Variants in SKIC2 observed in about 807,000 individuals in gnomAD.
The protein encoded by SKIC2 is superkiller complex protein 2.
chr6:31,967,383 G>A, the SKIC2 span: 1 of 1,605,448 alleles, frequency 6.2e-7, no homozygotes, highest in Middle Eastern at 1.7e-4. The surrounding 1 kb of genome is among the most constrained non-coding windows in gnomAD (Gnocchi z 4.9). Flanking sequence ...TACAGGTGAG[G>A]GTGATGGGAA....
At chr6:31,961,046 C>G in the SKIC2 span, 1 of 1,611,152 alleles carries the variant, frequency 6.2e-7, no homozygotes, top group South Asian at 1.1e-5. Flanking sequence ...TACAGATCTT[C>G]TTACTATTCC....
At chr6:31,964,570 G>A in the SKIC2 span, among the ~76,000 whole-genome samples, 1 of 152,172 alleles carries the variant, frequency 6.6e-6, no homozygotes, top group Non-Finnish European at 1.5e-5. The surrounding 1 kb of genome is among the most constrained non-coding windows in gnomAD (Gnocchi z 5.0). Flanking sequence ...CTTAAAATGG[G>A]GATGCATAAG....
the SKIC2 span, chr6:31,960,420 C>G: frequency 1.9e-6 from 3 of 1,609,522 alleles, no homozygotes; most frequent in East Asian, 2.2e-5. Context: ...GGGCTCTGAT[C>G]TCTTGCCTTA....
the SKIC2 span, chr6:31,966,837 A>C: frequency 6.2e-7 from 1 of 1,614,196 alleles, no homozygotes; most frequent in South Asian, 1.1e-5. This position sits in a 1 kb window ranked among gnomAD's most constrained non-coding sequence, Gnocchi z 5.9. Flanking sequence ...CCTCCCGCAA[A>C]GACAGCAAGG....
At chr6:31,966,279 T>A in the SKIC2 span, among the ~76,000 whole-genome samples, 306 of 151,644 alleles carry the variant, frequency 2.0e-3, 1 homozygote, top group East Asian at 6.6e-3. This position sits in a 1 kb window ranked among gnomAD's most constrained non-coding sequence, Gnocchi z 5.9. Context: ...TTTTTTTTTT[T>A]ATGCTTTGTA....
chr6:31,962,718 A>G, the SKIC2 span: 6 of 1,612,834 alleles, frequency 3.7e-6, no homozygotes, highest in Middle Eastern at 3.3e-4. This position sits in a 1 kb window ranked among gnomAD's most constrained non-coding sequence, Gnocchi z 5.0. Flanking sequence ...CCCCAGCTCC[A>G]TGCTGTACAG....
At chr6:31,967,581 A>C in the SKIC2 span, 1 of 1,008,770 alleles carries the variant, frequency 9.9e-7, no homozygotes, top group Non-Finnish European at 1.5e-6. This position sits in a 1 kb window ranked among gnomAD's most constrained non-coding sequence, Gnocchi z 4.9. Context: ...TGATCGCTTG[A>C]CTTGGTTGCC....
the SKIC2 span, chr6:31,966,627 G>A: frequency 6.1e-6 from 9 of 1,464,796 alleles, no homozygotes; most frequent in Admixed American, 6.9e-5. This position sits in a 1 kb window ranked among gnomAD's most constrained non-coding sequence, Gnocchi z 5.9. Context: ...CGGATCTGAC[G>A]GGAGTAGGCC....
the SKIC2 span, chr6:31,968,214 G>C: frequency 6.9e-7 from 1 of 1,452,954 alleles, no homozygotes; most frequent in Non-Finnish European, 9.5e-7. The surrounding 1 kb of genome is among the most constrained non-coding windows in gnomAD (Gnocchi z 6.1). Flanking sequence ...GGCTCCCCCA[G>C]CCTAAGGGAG....
chr6:31,965,093 G>A, the SKIC2 span, among the ~76,000 whole-genome samples: 3 of 152,166 alleles, frequency 2.0e-5, no homozygotes, highest in Non-Finnish European at 4.4e-5. This position sits in a 1 kb window ranked among gnomAD's most constrained non-coding sequence, Gnocchi z 5.6. Context: ...ACTCCAGCCT[G>A]GGCAACAGAG....
the SKIC2 span, chr6:31,969,321 G>C: frequency 6.2e-7 from 1 of 1,614,176 alleles, no homozygotes; most frequent in Non-Finnish European, 8.5e-7. The surrounding 1 kb of genome is among the most constrained non-coding windows in gnomAD (Gnocchi z 6.1). Context: ...GGATTGGTGA[G>C]GTCCAGGTGG....
the SKIC2 span, chr6:31,962,130 CT>C: frequency 7.0e-7 from 1 of 1,430,752 alleles, no homozygotes; most frequent in Non-Finnish European, 9.8e-7. The surrounding 1 kb of genome is among the most constrained non-coding windows in gnomAD (Gnocchi z 5.0). Context: ...AATCTCATCT[CT>C]TCCCCCACCT....
the SKIC2 span, chr6:31,959,708 C>T: frequency 2.0e-5 from 11 of 549,700 alleles, no homozygotes; most frequent in Non-Finnish European, 2.9e-5. Flanking sequence ...GAGCCTCCAA[C>T]CTTTCATCCT....
the SKIC2 span, chr6:31,963,384 CCT>C: frequency 1.3e-6 from 2 of 1,520,730 alleles, no homozygotes; most frequent in Non-Finnish European, 1.8e-6. This position sits in a 1 kb window ranked among gnomAD's most constrained non-coding sequence, Gnocchi z 5.3. Flanking sequence ...CGTTCCCACC[CCT>C]GACCTGCTTC....
chr6:31,969,340 C>T, the SKIC2 span: 1 of 1,614,206 alleles, frequency 6.2e-7, no homozygotes, highest in East Asian at 2.2e-5. This position sits in a 1 kb window ranked among gnomAD's most constrained non-coding sequence, Gnocchi z 6.1. Context: ...GGCTTGTGGC[C>T]TGAACCAGAC....
the SKIC2 span, chr6:31,961,720 T>C: frequency 6.3e-7 from 1 of 1,595,152 alleles, no homozygotes; most frequent in Non-Finnish European, 8.6e-7. Context: ...TCTTTCTGGG[T>C]CACACTCCCA....
chr6:31,962,347 T>G, the SKIC2 span: 1 of 1,389,898 alleles, frequency 7.2e-7, no homozygotes, highest in Non-Finnish European at 1.0e-6. The surrounding 1 kb of genome is among the most constrained non-coding windows in gnomAD (Gnocchi z 5.0). Context: ...CCTGAGCTTC[T>G]GGGGCATGCT....
the SKIC2 span, chr6:31,963,371 C>A: frequency 6.6e-7 from 1 of 1,506,018 alleles, no homozygotes; most frequent in Non-Finnish European, 8.9e-7. The surrounding 1 kb of genome is among the most constrained non-coding windows in gnomAD (Gnocchi z 5.3). Flanking sequence ...GGGTTCCTTC[C>A]CACGTTCCCA....
the SKIC2 span, chr6:31,963,919 G>A: frequency 3.8e-4 from 619 of 1,610,260 alleles, 2 homozygotes; most frequent in African/African-American, 3.3e-3. This position sits in a 1 kb window ranked among gnomAD's most constrained non-coding sequence, Gnocchi z 5.3. Flanking sequence ...CCAGGACCGC[G>A]GAGTGTACCT....
Sources: allele counts gnomAD v4.1 joint callset (sites outside exome capture counted in the v4.1 genomes callset), GRCh38; gene constraint gnomAD v4.1.1; non-coding constraint Gnocchi (gnomAD v3.1); transcripts MANE v1.5; gene names NCBI Gene and HGNC (gene_info 2026-07-23, HGNC 2026-07-21).